The following CLVS1 variants were observed in gnomAD, a reference collection of about 807,000 sequenced individuals.
CLVS1 encodes clavesin-1.
Under a neutral mutation model 33.1 loss-of-function variants are expected in CLVS1, and 10 were observed. The ratio of observed to expected loss-of-function variants is 0.30; its 90% CI spans 0.19 to 0.51. The LOEUF is 0.51. CLVS1 is among the 20% of genes least tolerant of loss of function. The pLI, the probability that CLVS1 is intolerant of heterozygous loss-of-function variation, is 0.97. For synonymous variants in CLVS1, 163 were observed against 166.1 expected (o/e 0.98, Z 0.14); for missense variants, 343 against 433.4 (o/e 0.79, Z 1.85).
At chr8:61,026,730 A>C in the CLVS1 span, among the ~76,000 whole-genome samples, 1 of 152,232 alleles carries the variant, frequency 6.6e-6, no homozygotes, top group East Asian at 1.9e-4. Context: ...GGACACAAAA[A>C]GCACTTTCCT....
chr8:61,410,095 T>TTTTTTTTTTTTC (rs1425165953), intron 3 of CLVS1, among the ~76,000 whole-genome samples: 1 of 123,844 alleles, frequency 8.1e-6, no homozygotes, highest in Non-Finnish European at 1.8e-5. Context: ...TCTTTGTTTT[T>TTTTTTTTTTTTC]GCTAGGTAAA....
At chr8:61,393,520 C>T (rs1814391822) in intron 3 of CLVS1, among the ~76,000 whole-genome samples, 1 of 152,146 alleles carries the variant, frequency 6.6e-6, no homozygotes, top group South Asian at 2.1e-4. Context: ...GGTTCCTTCT[C>T]ATTTGGGTAG....
intron 3 of CLVS1, among the ~76,000 whole-genome samples, chr8:61,420,433 C>G (rs988538347): frequency 3.3e-5 from 5 of 152,044 alleles, no homozygotes; most frequent in African/African-American, 4.8e-5. Flanking sequence ...GAAACCCTGT[C>G]TGTACCAAAA....
Position 61,063,134 on chromosome 8 carries a change from T to A in CLVS1, c.-243+5904T>A, listed in dbSNP as rs1376064960. 5.3e-5 allele frequency among the ~76,000 whole-genome samples: 8 copies of A among 152,160 alleles called. No homozygotes were observed. In the East Asian group the frequency reaches 1.5e-3, roughly 29 times the overall value. ...CCAGAGATCTTAAAACCATGCTACG[T>A]AAGTAAGACAAAGGCTTTGCTCTCG... On this transcript the variant is annotated intron_variant, in intron 1 of 2. Coordinates refer to the CLVS1 transcript ENST00000522621.
chr8:61,103,835 C>T (rs567915881), intron 1 of CLVS1, among the ~76,000 whole-genome samples: 5 of 152,288 alleles, frequency 3.3e-5, no homozygotes, highest in African/African-American at 1.2e-4. Flanking sequence ...CAAGGGCTTG[C>T]TTAAAAGAAT....
chr8:61,253,958 G>A lies in CLVS1; in HGVS notation c.-151-45719G>A, dbSNP rs529316344. On this transcript the variant is annotated intron_variant, in intron 2 of 2. Transcript: ENST00000522621. ...CTCCATCCAGCTTTGTTCCGTTGCT[G>A]GTGAGGAGCTGCATTCCTTTGGAGG... Among the ~76,000 whole-genome samples the A allele has an allele frequency of 1.6e-3, 238 of 152,334 alleles. 2 individuals carry two copies. The highest frequency in any genetic ancestry group is 3.4e-3 in the Middle Eastern group (1 of 294).
intron 4 of CLVS1, among the ~76,000 whole-genome samples, chr8:61,456,142 C>A (rs1817147522): frequency 6.6e-6 from 1 of 152,168 alleles, no homozygotes; most frequent in Non-Finnish European, 1.5e-5. Flanking sequence ...CATAGGTGGG[C>A]ATTTTTGGAG....
In CLVS1 at chr8:61,113,554, C is replaced by T. The variant is rs146579128; in HGVS notation, c.-242-18216C>T. On this transcript the variant is annotated intron_variant, in intron 1 of 2. Transcript: ENST00000522621. ...CTTGTTGCATTATCCAGGAAGTAAC[C>T]CAGCTGCCCATAGTTCACTCCTTCT... Among the ~76,000 whole-genome samples, 320 of 152,256 alleles carry T rather than the reference C, an allele frequency of 2.1e-3. 1 individual carries two copies. Among genetic ancestry groups the T allele is most frequent in the South Asian group, 0.02 (96 of 4,824 alleles).
the CLVS1 span, among the ~76,000 whole-genome samples, chr8:61,028,988 A>G: frequency 2.6e-5 from 4 of 152,224 alleles, no homozygotes; most frequent in African/African-American, 9.6e-5. Context: ...AAGAACACAC[A>G]TCTGTAAATC....
At chr8:61,106,247 C>T (rs1335289251) in intron 1 of CLVS1, among the ~76,000 whole-genome samples, 1 of 152,092 alleles carries the variant, frequency 6.6e-6, no homozygotes, top group Non-Finnish European at 1.5e-5. Flanking sequence ...AGGAGAAGGC[C>T]ATACATGGAA....
At chr8:61,351,181 T>A (rs1812441467) in intron 2 of CLVS1, among the ~76,000 whole-genome samples, 1 of 152,024 alleles carries the variant, frequency 6.6e-6, no homozygotes, top group Non-Finnish European at 1.5e-5. Context: ...TTACAAATTC[T>A]CTGGAAACAA....
At chr8:61,249,219 C>A (rs1313154433) in intron 2 of CLVS1, among the ~76,000 whole-genome samples, 1 of 152,146 alleles carries the variant, frequency 6.6e-6, no homozygotes, top group Non-Finnish European at 1.5e-5. Flanking sequence ...TGGTTTCCAG[C>A]TTCCTCCATG....
intron 2 of CLVS1, among the ~76,000 whole-genome samples, chr8:61,167,172 T>G (rs935028141): frequency 4.0e-5 from 6 of 150,718 alleles, no homozygotes; most frequent in African/African-American, 1.5e-4. Flanking sequence ...TTACCTTCAA[T>G]CTTCCATCCA....
intron 5 of CLVS1, among the ~76,000 whole-genome samples, chr8:61,485,534 T>C (rs1220683197): frequency 6.6e-6 from 1 of 152,240 alleles, no homozygotes; most frequent in Admixed American, 6.5e-5. Context: ...GAAGGCAGTG[T>C]GGCGATTCTT....
chr8:61,090,171 A>G (rs1294859273), intron 1 of CLVS1, among the ~76,000 whole-genome samples: 3 of 152,234 alleles, frequency 2.0e-5, no homozygotes, highest in Non-Finnish European at 4.4e-5. Context: ...AAGATCTTTC[A>G]GATAATATCA....
intron 2 of CLVS1, among the ~76,000 whole-genome samples, chr8:61,223,998 C>G (rs1467199043): frequency 6.6e-6 from 1 of 152,070 alleles, no homozygotes; most frequent in African/African-American, 2.4e-5. Context: ...AGTTCTCGTG[C>G]TATGTTTTTC....
chr8:61,064,109 G>T (rs534847676), intron 1 of CLVS1, among the ~76,000 whole-genome samples: 1 of 152,224 alleles, frequency 6.6e-6, no homozygotes, highest in East Asian at 1.9e-4. Flanking sequence ...ACCACATTTT[G>T]TTTACCCATC....
intron 2 of CLVS1, among the ~76,000 whole-genome samples, chr8:61,323,795 C>T (rs568871203): frequency 6.6e-6 from 1 of 152,174 alleles, no homozygotes; most frequent in South Asian, 2.1e-4. Context: ...TTTTCTGGCC[C>T]TCTCTCTCCT....
intron 1 of CLVS1, among the ~76,000 whole-genome samples, chr8:61,291,361 G>A (rs1407492724): frequency 6.6e-6 from 1 of 152,110 alleles, no homozygotes; most frequent in African/African-American, 2.4e-5. Context: ...GATGCTTGTA[G>A]CCAAATCTGT....
Sources: gnomAD v4.1 joint callset for allele counts (sites outside exome capture counted in the v4.1 genomes callset) on GRCh38, gnomAD v4.1.1 for gene constraint, MANE v1.5 for transcripts, NCBI Gene and HGNC (gene_info 2026-07-23, HGNC 2026-07-21) for gene names.